NLGN4X: variants seen among roughly 807,000 people sequenced by gnomAD.
The protein encoded by NLGN4X is neuroligin 4 X-linked.
A neutral mutation model predicts 40.3 loss-of-function variants in NLGN4X; 3 were observed. The observed-to-expected ratio is 0.07, with a 90% CI of 0.03 to 0.19. The LOEUF (loss-of-function observed/expected upper bound fraction) is 0.19, where lower values mean the gene tolerates loss of function less well. Ranked by LOEUF, NLGN4X falls within the 10% of genes least tolerant of loss-of-function variation. NLGN4X has a pLI of 1.00. For synonymous variants in NLGN4X, 270 were observed against 306.8 expected (o/e 0.88, Z 1.25); for missense variants, 382 against 708.3 (o/e 0.54, Z 5.23).
chrX:6,075,275 GAAGATACTTC>G (rs1261737298), intron 2 of NLGN4X, among the ~76,000 whole-genome samples: 4 of 111,845 alleles, frequency 3.6e-5, no homozygotes, highest in African/African-American at 6.5e-5. Flanking sequence ...TCTGAATCTT[GAAGATACTTC>G]AAGATACTTC....
chrX:6,225,583 C>G (rs1926135247), intron 1 of NLGN4X, among the ~76,000 whole-genome samples: 1 of 104,688 alleles, frequency 9.6e-6, no homozygotes, highest in Non-Finnish European at 2.0e-5. Flanking sequence ...TAAGCATGCA[C>G]TTCTATGTTG....
intron 2 of NLGN4X, among the ~76,000 whole-genome samples, chrX:6,095,102 CGTGTGTGTGT>C (rs56285921): frequency 0.036 from 3,190 of 88,270 alleles, 65 homozygotes; most frequent in East Asian, 0.073. Flanking sequence ...TACGTGCGTG[CGTGTGTGTGT>C]GTGTGTGTGT....
At chrX:6,227,975 G>A (rs1362948413) in intron 1 of NLGN4X, 8 of 112,973 alleles carry the variant, frequency 7.1e-5, no homozygotes, top group Non-Finnish European at 1.5e-4. Context: ...GGGGTGGGGG[G>A]GGAGAGAAAA....
At chrX:5,898,643 C>A (rs771895247) in intron 5 of NLGN4X, among the ~76,000 whole-genome samples, 8 of 110,957 alleles carry the variant, frequency 7.2e-5, no homozygotes, top group Non-Finnish European at 1.5e-4. Context: ...TGGCACAATG[C>A]GATCCTTTCT....
At chrX:6,172,395 G>A (rs7055627) in intron 1 of NLGN4X, among the ~76,000 whole-genome samples, 50,048 of 110,258 alleles carry the variant, frequency 0.45, 8,321 homozygotes, top group African/African-American at 0.52. Flanking sequence ...AATACTCTTC[G>A]AATGTCAGAT....
At chrX:5,904,104 A>G (rs2032053507) in intron 4 of NLGN4X, among the ~76,000 whole-genome samples, 1 of 111,201 alleles carries the variant, frequency 9.0e-6, no homozygotes, top group South Asian at 3.8e-4. Context: ...CACGAGTTTA[A>G]GGAAATGAAA....
chrX:6,177,697 T>C lies in NLGN4X; in HGVS notation c.-305-25926A>G, dbSNP rs1265740599. 3.6e-5 allele frequency among the ~76,000 whole-genome samples: 4 copies of C among 111,368 alleles called. No individual in the cohort carries two copies. The East Asian group carries it at 8.5e-4, about 24-fold the overall frequency. ...CATTAATAGAGTTCAAAACTCAACATTAAAAAATGGAAATAGGACTGAGAC... is the reference window on the plus strand; with the variant it reads ...CATTAATAGAGTTCAAAACTCAACACTAAAAAATGGAAATAGGACTGAGAC... On this transcript the variant is annotated intron_variant, in intron 1 of 5. Transcript: ENST00000381095.
intron 2 of NLGN4X, among the ~76,000 whole-genome samples, chrX:6,057,359 A>G (rs1333712922): frequency 1.8e-5 from 2 of 111,855 alleles, no homozygotes; most frequent in African/African-American, 6.5e-5. Flanking sequence ...TGCAAAGTGC[A>G]TTGGTGTCAT....
rs778456599 is a variant in NLGN4X at position 6,067,271 on chromosome X, AG to A, written c.473-37840del. 5.4e-5 allele frequency among the ~76,000 whole-genome samples: 6 copies of A among 111,517 alleles called. 1 individual carries two copies. The highest frequency in any genetic ancestry group is 1.1e-4 in the Non-Finnish European group (6 of 53,089). On this transcript the variant is annotated intron_variant, in intron 2 of 5. Coordinates refer to ENST00000381095, the MANE Select transcript of NLGN4X (RefSeq NM_181332.3). ...CCTTCTTATGTGTTCACTGCCTGTA[AG>A]GGATCTTGTACTCCTTACATTCTTC... is the stretch of plus-strand genomic sequence containing the variant.
intron 1 of NLGN4X, among the ~76,000 whole-genome samples, chrX:6,152,640 G>C (rs1225698162): frequency 8.9e-6 from 1 of 111,743 alleles, no homozygotes; most frequent in Non-Finnish European, 1.9e-5. Context: ...CCTTGGTCTG[G>C]TCAAGTGCAT....
At chrX:6,108,379 T>C in intron 2 of NLGN4X, among the ~76,000 whole-genome samples, 1 of 112,042 alleles carries the variant, frequency 8.9e-6, no homozygotes, top group Middle Eastern at 4.6e-3. Context: ...AATGCACACA[T>C]ACCAAATAAA....
At chrX:5,905,819 A>G (rs1282986719) in intron 4 of NLGN4X, among the ~76,000 whole-genome samples, 1 of 111,834 alleles carries the variant, frequency 8.9e-6, no homozygotes, top group African/African-American at 3.2e-5. Flanking sequence ...AGCTGGGACA[A>G]CAGATGCGTC....
intron 1 of NLGN4X, among the ~76,000 whole-genome samples, chrX:6,171,681 T>A (rs781081551): frequency 9.2e-6 from 1 of 109,099 alleles, no homozygotes; most frequent in Non-Finnish European, 1.9e-5. Flanking sequence ...ATTGTGAAAG[T>A]TTCTATCTTT....
intron 3 of NLGN4X, among the ~76,000 whole-genome samples, chrX:5,978,313 T>C (rs1394664907): frequency 1.1e-5 from 1 of 93,931 alleles, no homozygotes; most frequent in African/African-American, 4.6e-5. Context: ...TCTTTCTTTC[T>C]TTCTTTCTTT....
In NLGN4X at chrX:6,083,826, T is replaced by C. The variant is rs142153794; in HGVS notation, c.473-54394A>G. Reference sequence around the variant, plus strand: ...CTCTTAATATTTGAATGTGTTGTGTTTGGAGTGTCTATGTGACACTCAACT... The same window carrying C: ...CTCTTAATATTTGAATGTGTTGTGTCTGGAGTGTCTATGTGACACTCAACT... On this transcript the variant is annotated intron_variant, in intron 2 of 5. Coordinates refer to ENST00000381095, the MANE Select transcript of NLGN4X (RefSeq NM_181332.3). Among the ~76,000 whole-genome samples, 456 of 112,178 alleles carry C rather than the reference T, an allele frequency of 4.1e-3. 1 individual carries two copies. The highest frequency in any genetic ancestry group is 0.014 in the African/African-American group (429 of 30,856).
chrX:6,185,033 C>T (rs1921872010), intron 1 of NLGN4X, among the ~76,000 whole-genome samples: 1 of 112,546 alleles, frequency 8.9e-6, no homozygotes, highest in Non-Finnish European at 1.9e-5. Flanking sequence ...GTTTCACTTC[C>T]TCTGAAACTG....
At chrX:5,965,431 A>G (rs773500180) in intron 3 of NLGN4X, among the ~76,000 whole-genome samples, 2 of 112,248 alleles carry the variant, frequency 1.8e-5, no homozygotes, top group Non-Finnish European at 3.8e-5. Context: ...GAGGCACTCT[A>G]TAGAATGTGC....
At chrX:5,941,598 C>T (rs750664349) in intron 3 of NLGN4X, among the ~76,000 whole-genome samples, 22 of 112,208 alleles carry the variant, frequency 2.0e-4, no homozygotes, top group Non-Finnish European at 2.3e-4. Flanking sequence ...TAATAAATCT[C>T]CCAAGAACTT....
chrX:6,153,000 C>T (rs2040195800), intron 1 of NLGN4X, among the ~76,000 whole-genome samples: 1 of 112,208 alleles, frequency 8.9e-6, no homozygotes, highest in South Asian at 3.7e-4. Flanking sequence ...GAATGCTGTG[C>T]AGGAATGGAC....
Sources: gnomAD v4.1 joint callset for allele counts (sites outside exome capture counted in the v4.1 genomes callset) on GRCh38, gnomAD v4.1.1 for gene constraint, MANE v1.5 for transcripts, NCBI Gene and HGNC (gene_info 2026-07-23, HGNC 2026-07-21) for gene names.